The following TRABD2A variants were observed in gnomAD, a reference collection of about 807,000 sequenced individuals.
TRABD2A encodes the protein TraB domain containing 2A.
Under a neutral mutation model 45.6 loss-of-function variants are expected in TRABD2A, and 43 were observed. The ratio of observed to expected loss-of-function variants is 0.94; its 90% CI spans 0.74 to 1.22. TRABD2A has a LOEUF of 1.22. TRABD2A is among the 50% of genes most tolerant of loss of function. The probability of loss-of-function intolerance (pLI) is 0.00; values close to 1 mark genes in which losing one functional copy is unlikely to be tolerated. For missense variants in TRABD2A, 642 were observed against 652.4 expected, an observed-to-expected ratio of 0.98 and a Z score of 0.17; for synonymous variants, 269 against 265.0, an observed-to-expected ratio of 1.02 and a Z score of -0.15.
chr2:84,880,825 C>T (rs1411557420), intron 1 of TRABD2A, 107 bp downstream of exon 1: 5 of 1,494,910 alleles, frequency 3.3e-6, no homozygotes, highest in Non-Finnish European at 4.5e-6. Context: ...AGCCCAGCCG[C>T]GGAAGTCGGC....
rs1413212927 is a variant in TRABD2A, at chr2:84,821,868, C to T, written c.*49G>A. On this transcript the variant is annotated 3_prime_UTR_variant, in exon 7 of 7. Transcript: ENST00000409520. The stretch of plus-strand genomic sequence containing the variant: ...CCAGAATGTGGAGTACAGGAATGGC[C>T]ATTCTTCAAGTCCGAGGGGTCAGGT... 1 of 1,484,482 alleles carries T rather than the reference C, an allele frequency of 6.7e-7. No homozygotes were observed. The highest frequency in any genetic ancestry group is 9.0e-7 in the Non-Finnish European group (1 of 1,112,150). 92.0% of individuals were successfully genotyped at this position (1,484,482 alleles called of 1,614,324 possible). A position where few individuals can be genotyped will look rare whatever the true frequency, so the allele number is the denominator to read the frequency against.
At chr2:84,839,125 A>G (rs1166642113) in intron 4 of TRABD2A, 24 bp downstream of exon 4, 2 of 1,612,956 alleles carry the variant, frequency 1.2e-6, no homozygotes, top group Middle Eastern at 1.7e-4. Flanking sequence ...TTCAGAGGCT[A>G]ATCAGAGGTG....
chr2:84,835,719 G>A (rs1681483916), intron 4 of TRABD2A, among the ~76,000 whole-genome samples: 1 of 152,136 alleles, frequency 6.6e-6, no homozygotes, highest in Non-Finnish European at 1.5e-5. Context: ...GTCCAGCTGA[G>A]GGCCTTCTTC....
rs575968183 is a variant in TRABD2A at position 84,871,530 on chromosome 2, G to A, written c.109-745C>T. The stretch of plus-strand genomic sequence containing the variant: ...GGAGTCTCACTCTGTTGCCCAGGCT[G>A]GAGTGCAATGGCGCAATCCTGGCTC... On this transcript the variant is annotated intron_variant, in intron 1 of 6. Coordinates refer to ENST00000409520, the MANE Select transcript of TRABD2A (RefSeq NM_001277053.2). 1.8e-4 allele frequency among the ~76,000 whole-genome samples: 27 copies of A among 151,816 alleles called. No individual in the cohort carries two copies. In the South Asian group the frequency reaches 2.9e-3, roughly 16 times the overall value.
intron 1 of TRABD2A, among the ~76,000 whole-genome samples, chr2:84,873,648 G>C (rs1360882121): frequency 6.6e-6 from 1 of 152,108 alleles, no homozygotes; most frequent in African/African-American, 2.4e-5. Flanking sequence ...AGATCAAAAG[G>C]GTAGAAGACA....
chr2:84,834,112 C>T (rs999621509), intron 4 of TRABD2A: 2 of 152,366 alleles, frequency 1.3e-5, no homozygotes, highest in South Asian at 2.1e-4. Flanking sequence ...CACACAGACC[C>T]GGGGTGGTGC....
intron 2 of TRABD2A, among the ~76,000 whole-genome samples, chr2:84,861,142 T>G (rs1341101588): frequency 6.6e-6 from 1 of 152,150 alleles, no homozygotes; most frequent in Non-Finnish European, 1.5e-5. Context: ...GGCTTTACCT[T>G]TGGCACCAGG....
intron 2 of TRABD2A, among the ~76,000 whole-genome samples, chr2:84,862,869 C>CATACAGGTACAACGTTGGTTTG (rs1553514962): frequency 6.6e-6 from 1 of 152,112 alleles, no homozygotes; most frequent in African/African-American, 2.4e-5. Context: ...CACAGCCAGC[C>CATACAGGTACAACGTTGGTTTG]ATTCAGGTAC....
intron 2 of TRABD2A, among the ~76,000 whole-genome samples, chr2:84,869,991 A>C (rs1682818260): frequency 6.6e-6 from 1 of 151,060 alleles, no homozygotes; most frequent in Non-Finnish European, 1.5e-5. Flanking sequence ...AAAAAAAAAA[A>C]GTACACAGTA....
In TRABD2A at chr2:84,842,107, G is replaced by A. The variant is rs888294495; in HGVS notation, c.670-100C>T. ...TGGAAATACCTTCACCTTTGTGCTC[G>A]TTATGTAAGGACGTGGATAGTGCTA... On this transcript the variant is annotated intron_variant, in intron 2 of 6. Coordinates refer to ENST00000409520, the MANE Select transcript of TRABD2A (RefSeq NM_001277053.2). 3.7e-4 allele frequency: 473 copies of A among 1,268,244 alleles called. 2 individuals are homozygous for A. The African/African-American group carries it at 4.6e-3, about 12-fold the overall frequency. 78.6% of individuals were successfully genotyped at this position (1,268,244 alleles called of 1,614,324 possible). A position where few individuals can be genotyped will look rare whatever the true frequency, so the allele number is the denominator to read the frequency against.
intron 6 of TRABD2A, 147 bp downstream of exon 6, chr2:84,823,806 G>T: frequency 8.9e-7 from 1 of 1,122,706 alleles, no homozygotes; most frequent in Non-Finnish European, 1.2e-6. Context: ...TGTCACAGTG[G>T]ACAGAAAAAG....
At position 84,821,715 on chromosome 2, in the gene TRABD2A, G is replaced by C. The variant is rs1681003573; in HGVS notation, c.*202C>G. The C allele has an allele frequency of 4.6e-6, 2 of 431,480 alleles. No homozygotes were observed. The highest frequency in any genetic ancestry group is 8.1e-6 in the Non-Finnish European group (2 of 246,556). The allele number at this position is 431,480 out of a possible 1,614,324, so 26.7% of individuals were successfully genotyped here. A position where few individuals can be genotyped will look rare whatever the true frequency, so the allele number is the denominator to read the frequency against. On this transcript the variant is annotated 3_prime_UTR_variant, in exon 7 of 7. Coordinates refer to ENST00000409520, the MANE Select transcript of TRABD2A (RefSeq NM_001277053.2). Reference sequence around the variant, plus strand: ...AATTTATTTTCACACAACTCACTATGTTACAAAACTGTACACCTGCCCCCA... The same window carrying C: ...AATTTATTTTCACACAACTCACTATCTTACAAAACTGTACACCTGCCCCCA...
rs189568664 is a variant in TRABD2A at position 84,854,566 on chromosome 2, G to A, written c.670-12559C>T. Among the ~76,000 whole-genome samples, 124 of 152,198 alleles carry A rather than the reference G, an allele frequency of 8.1e-4. 2 individuals are homozygous for A. The highest frequency in any genetic ancestry group is 7.2e-3 in the Admixed American group (110 of 15,282). On this transcript the variant is annotated intron_variant, in intron 2 of 6. Transcript: ENST00000409520. ...AGCCAGGATTCAAACCCAGATCCAC[G>A]GTCTCCAAAGTTGATACTCTCCACT... is the stretch of plus-strand genomic sequence containing the variant.
intron 4 of TRABD2A, 67 bp from the exon 5 acceptor site, chr2:84,832,212 A>G: frequency 6.6e-7 from 1 of 1,514,550 alleles, no homozygotes; most frequent in Non-Finnish European, 9.2e-7. Flanking sequence ...CCCCAAACAC[A>G]CACCCTAGAA....
chr2:84,828,701 TAATC>T (rs1294969866), intron 5 of TRABD2A, among the ~76,000 whole-genome samples: 5 of 152,184 alleles, frequency 3.3e-5, no homozygotes, highest in Non-Finnish European at 7.4e-5. Flanking sequence ...TATTAACACA[TAATC>T]AATCCTATTT....
At chr2:84,848,415 T>C (rs55771727) in intron 2 of TRABD2A, among the ~76,000 whole-genome samples, 5,827 of 121,328 alleles carry the variant, frequency 0.048, 362 homozygotes, top group African/African-American at 0.19. Context: ...GACAGACAGA[T>C]AGATAGTCTC....
intron 5 of TRABD2A, among the ~76,000 whole-genome samples, chr2:84,826,637 A>T (rs1261254360): frequency 2.6e-5 from 4 of 152,184 alleles, no homozygotes; most frequent in Admixed American, 6.5e-5. Flanking sequence ...GGTTTAAGAA[A>T]TTCTCTGCCT....
intron 2 of TRABD2A, among the ~76,000 whole-genome samples, chr2:84,867,156 A>T (rs1485969851): frequency 2.0e-5 from 3 of 152,122 alleles, no homozygotes. Flanking sequence ...GTTACATGAA[A>T]AAAAGACTTT....
chr2:84,863,836 C>A (rs994497800), intron 2 of TRABD2A, among the ~76,000 whole-genome samples: 1 of 152,048 alleles, frequency 6.6e-6, no homozygotes, highest in African/African-American at 2.4e-5. Flanking sequence ...TGGTCTCGAT[C>A]TCCTGACGAG....
Sources: allele counts gnomAD v4.1 joint callset (sites outside exome capture counted in the v4.1 genomes callset), GRCh38; gene constraint gnomAD v4.1.1; transcripts MANE v1.5; gene names NCBI Gene and HGNC (gene_info 2026-07-23, HGNC 2026-07-21).